The following NKAIN2 variants were observed in gnomAD, a reference collection of about 807,000 sequenced individuals.
NKAIN2 encodes the protein sodium/potassium-transporting ATPase subunit beta-1-interacting protein 2.
NKAIN2 carries 14 observed loss-of-function variants against 32.6 expected under a neutral mutation model. The ratio of observed to expected loss-of-function variants is 0.43; its 90% CI spans 0.28 to 0.67. The LOEUF is 0.67. Ranked by LOEUF, NKAIN2 falls within the 30% of genes least tolerant of loss-of-function variation. The probability of loss-of-function intolerance (pLI) is 0.17; values close to 1 mark genes in which losing one functional copy is unlikely to be tolerated. For missense variants in NKAIN2, 198 were observed against 258.3 expected (o/e 0.77, Z 1.60); for synonymous variants, 80 against 87.2 (o/e 0.92, Z 0.46).
chr6:124,052,854 CTT>C (rs1352045365), intron 1 of NKAIN2, among the ~76,000 whole-genome samples: 1 of 151,952 alleles, frequency 6.6e-6, no homozygotes, highest in Non-Finnish European at 1.5e-5. Context: ...GGGTTTAACT[CTT>C]TTGGTTAATC....
At chr6:124,057,637 CTT>C (rs78163886) in intron 1 of NKAIN2, among the ~76,000 whole-genome samples, 9 of 143,076 alleles carry the variant, frequency 6.3e-5, no homozygotes, top group Admixed American at 1.4e-4. Flanking sequence ...ATGCCCTCCT[CTT>C]TTTTTTTTTT....
At chr6:124,729,049 A>C (rs2114656718) in intron 4 of NKAIN2, among the ~76,000 whole-genome samples, 1 of 151,922 alleles carries the variant, frequency 6.6e-6, no homozygotes, top group Non-Finnish European at 1.5e-5. Flanking sequence ...CAGGATCTGA[A>C]ATTGTGGCAA....
chr6:124,757,008 T>A (rs1407280850), intron 4 of NKAIN2, among the ~76,000 whole-genome samples: 2 of 152,146 alleles, frequency 1.3e-5, no homozygotes, highest in Non-Finnish European at 2.9e-5. Flanking sequence ...CTACTTTACA[T>A]CTAAGTTTTG....
chr6:123,871,767 T>A (rs1772900992), intron 1 of NKAIN2, among the ~76,000 whole-genome samples: 1 of 152,248 alleles, frequency 6.6e-6, no homozygotes, highest in South Asian at 2.1e-4. Flanking sequence ...AAATGTCTGC[T>A]GCCATTCTTA....
At chr6:123,994,089 TAGA>T (rs2114695455) in intron 1 of NKAIN2, among the ~76,000 whole-genome samples, 1 of 152,210 alleles carries the variant, frequency 6.6e-6, no homozygotes, top group African/African-American at 2.4e-5. Flanking sequence ...CTACTGAGAG[TAGA>T]ATACTCTTGT....
chr6:124,412,804 A>C (rs1774267465), intron 3 of NKAIN2, among the ~76,000 whole-genome samples: 1 of 152,066 alleles, frequency 6.6e-6, no homozygotes. Context: ...GGCCTCCTTG[A>C]TCTGTGGTGG....
intron 3 of NKAIN2, among the ~76,000 whole-genome samples, chr6:124,401,708 T>C (rs1773633661): frequency 6.6e-6 from 1 of 152,224 alleles, no homozygotes; most frequent in Non-Finnish European, 1.5e-5. Context: ...GTATATTTTT[T>C]GGCCATTTGG....
At chr6:124,474,812 G>C (rs940270325) in intron 3 of NKAIN2, among the ~76,000 whole-genome samples, 5 of 104,796 alleles carry the variant, frequency 4.8e-5, no homozygotes, top group African/African-American at 9.0e-5. Flanking sequence ...ACACATATTA[G>C]ATATATACAT....
intron 3 of NKAIN2, among the ~76,000 whole-genome samples, chr6:124,367,727 G>T (rs1739214105): frequency 6.6e-6 from 1 of 151,944 alleles, no homozygotes; most frequent in Non-Finnish European, 1.5e-5. Context: ...TTGATTTCTG[G>T]CCATCCTTTG....
intron 1 of NKAIN2, among the ~76,000 whole-genome samples, chr6:123,965,755 C>A (rs1778043317): frequency 6.6e-6 from 1 of 152,148 alleles, no homozygotes; most frequent in African/African-American, 2.4e-5. Context: ...CGATTAATTT[C>A]CTCTTTTCTC....
intron 3 of NKAIN2, among the ~76,000 whole-genome samples, chr6:124,455,670 A>G (rs1776291604): frequency 6.6e-6 from 1 of 151,910 alleles, no homozygotes; most frequent in Admixed American, 6.6e-5. Flanking sequence ...AATAATGAAT[A>G]AGAGAAAAGG....
intron 2 of NKAIN2, among the ~76,000 whole-genome samples, chr6:124,344,725 A>T (rs1168272212): frequency 2.0e-5 from 3 of 152,118 alleles, no homozygotes; most frequent in Admixed American, 2.0e-4. Context: ...GCTTAAGGAG[A>T]TTTTGGGCTG....
intron 4 of NKAIN2, among the ~76,000 whole-genome samples, chr6:124,770,180 C>A (rs1431723655): frequency 2.0e-5 from 3 of 152,154 alleles, no homozygotes; most frequent in Non-Finnish European, 4.4e-5. Flanking sequence ...ATGAAAACAT[C>A]ACATTTTAAA....
intron 1 of NKAIN2, among the ~76,000 whole-genome samples, chr6:124,156,576 G>A (rs959628499): frequency 1.3e-5 from 2 of 152,126 alleles, no homozygotes; most frequent in East Asian, 3.9e-4. Flanking sequence ...TAGAGTGGGA[G>A]GATCATCACA....
At chr6:123,952,231 T>C (rs549988673) in intron 1 of NKAIN2, among the ~76,000 whole-genome samples, 48 of 152,272 alleles carry the variant, frequency 3.2e-4, no homozygotes, top group African/African-American at 1.1e-3. Flanking sequence ...CATTCTCTCC[T>C]GGCCTGTAGA....
intron 1 of NKAIN2, among the ~76,000 whole-genome samples, chr6:124,203,035 G>GCTGT (rs1179185337): frequency 6.6e-6 from 1 of 151,802 alleles, no homozygotes; most frequent in Non-Finnish European, 1.5e-5. Flanking sequence ...CATATAATGT[G>GCTGT]CTGTCTGTTT....
At chr6:124,406,665 T>C (rs939363737) in intron 3 of NKAIN2, among the ~76,000 whole-genome samples, 12 of 152,092 alleles carry the variant, frequency 7.9e-5, no homozygotes, top group African/African-American at 2.9e-4. Flanking sequence ...CCAAGCAGTT[T>C]TGCAAAACAG....
At chr6:124,333,621 C>T (rs571098514) in intron 2 of NKAIN2, among the ~76,000 whole-genome samples, 2 of 152,136 alleles carry the variant, frequency 1.3e-5, no homozygotes, top group East Asian at 3.9e-4. Context: ...GATCACACCA[C>T]TGCACTCCGG....
chr6:124,413,378 A>T (rs1346240404), intron 3 of NKAIN2, among the ~76,000 whole-genome samples: 1 of 152,178 alleles, frequency 6.6e-6, no homozygotes, highest in Non-Finnish European at 1.5e-5. Flanking sequence ...CTTTGTCTAA[A>T]GTCCATTGTC....
Sources: allele counts gnomAD v4.1 joint callset (sites outside exome capture counted in the v4.1 genomes callset), GRCh38; gene constraint gnomAD v4.1.1; transcripts MANE v1.5; gene names NCBI Gene and HGNC (gene_info 2026-07-23, HGNC 2026-07-21).